Variants in SERPINI1 observed in about 807,000 individuals in gnomAD.
The protein encoded by SERPINI1 is neuroserpin.
A neutral mutation model predicts 41.1 loss-of-function variants in SERPINI1; 19 were observed. The ratio of observed to expected loss-of-function variants is 0.46; its 90% confidence interval spans 0.32 to 0.68. SERPINI1 has a LOEUF of 0.68. Ranked by LOEUF, SERPINI1 falls within the 30% of genes least tolerant of loss-of-function variation. SERPINI1 has a pLI of 0.03. For synonymous variants in SERPINI1, 138 were observed against 156.6 expected (o/e 0.88, Z 0.89); for missense variants, 460 against 479.2 (o/e 0.96, Z 0.37).
chr3:167,738,808 G>A (rs1725571079), intron 1 of SERPINI1, among the ~76,000 whole-genome samples: 1 of 150,366 alleles, frequency 6.7e-6, no homozygotes, highest in African/African-American at 2.4e-5. Flanking sequence ...TCTGATTCCA[G>A]TCAATTGCCA....
intron 1 of SERPINI1, among the ~76,000 whole-genome samples, chr3:167,786,825 G>A (rs1353338229): frequency 2.6e-5 from 4 of 151,984 alleles, no homozygotes; most frequent in Non-Finnish European, 5.9e-5. Flanking sequence ...CACCACATCT[G>A]GCTCCAGTAG....
intron 6 of SERPINI1, among the ~76,000 whole-genome samples, chr3:167,817,488 C>G (rs1199590819): frequency 6.6e-6 from 1 of 152,032 alleles, no homozygotes; most frequent in East Asian, 1.9e-4. Context: ...TCTTTAATTT[C>G]AAGGATGGAG....
intron 5 of SERPINI1, among the ~76,000 whole-genome samples, chr3:167,803,565 G>T (rs543618808): frequency 6.6e-6 from 1 of 152,016 alleles, no homozygotes; most frequent in Non-Finnish European, 1.5e-5. Context: ...TATGAAATAG[G>T]TATTATTATT....
At chr3:167,760,591 G>A (rs932200625) in intron 1 of SERPINI1, among the ~76,000 whole-genome samples, 1 of 149,486 alleles carries the variant, frequency 6.7e-6, no homozygotes, top group African/African-American at 2.5e-5. Context: ...GTGTGTGTGT[G>A]TGTGTGTGTG....
intron 1 of SERPINI1, among the ~76,000 whole-genome samples, chr3:167,737,020 A>G (rs1725480444): frequency 6.6e-6 from 1 of 151,982 alleles, no homozygotes; most frequent in Admixed American, 6.5e-5. Flanking sequence ...TTTTTTTTTA[A>G]TAACCAGGGT....
At chr3:167,783,788 G>A (rs55640411) in intron 1 of SERPINI1, among the ~76,000 whole-genome samples, 9,852 of 152,232 alleles carry the variant, frequency 0.065, 1,058 homozygotes, top group African/African-American at 0.22. Flanking sequence ...GAGTAGACTA[G>A]CAGAGGTAAT....
intron 1 of SERPINI1, among the ~76,000 whole-genome samples, chr3:167,749,843 A>G (rs954084958): frequency 6.6e-6 from 1 of 152,220 alleles, no homozygotes; most frequent in African/African-American, 2.4e-5. Flanking sequence ...GAGAGGGGAA[A>G]AAAGCTAAGA....
chr3:167,789,892 CATG>C (rs1727440902), intron 2 of SERPINI1, among the ~76,000 whole-genome samples: 1 of 152,068 alleles, frequency 6.6e-6, no homozygotes, highest in Non-Finnish European at 1.5e-5. Context: ...ATCACTTTGA[CATG>C]ATGTTTGATT....
At chr3:167,773,560 C>A (rs191858577) in intron 1 of SERPINI1, among the ~76,000 whole-genome samples, 1 of 152,230 alleles carries the variant, frequency 6.6e-6, no homozygotes. Flanking sequence ...TTTGATAGAG[C>A]CTTTTTAAAA....
chr3:167,736,694 AATAAT>A (rs1362920419), intron 1 of SERPINI1, among the ~76,000 whole-genome samples: 1 of 152,176 alleles, frequency 6.6e-6, no homozygotes, highest in African/African-American at 2.4e-5. Flanking sequence ...AGTGTCATAA[AATAAT>A]AGTTTATTCT....
Position 167,807,241 on chromosome 3 carries a change from CA to C in SERPINI1, c.882-2del. ...AATATTTTTCTCCCTATGTGTTCTC[CA>C]GGTTCACAGTGGAACAGGAAATTGA... is the stretch of plus-strand genomic sequence containing the variant. On this transcript the variant is annotated splice_acceptor_variant, in intron 5 of 8. Coordinates refer to ENST00000446050, the MANE Select transcript of SERPINI1 (RefSeq NM_001122752.2). LOFTEE classifies it high-confidence loss of function. The C allele has an allele frequency of 6.2e-7, 1 of 1,601,600 alleles. No individual in the cohort carries two copies. The highest frequency in any genetic ancestry group is 8.6e-7 in the Non-Finnish European group (1 of 1,169,050).
At chr3:167,775,700 T>TGAA (rs10661654) in intron 1 of SERPINI1, among the ~76,000 whole-genome samples, 67,895 of 151,724 alleles carry the variant, frequency 0.45, 16,069 homozygotes, top group African/African-American at 0.61. Flanking sequence ...ACCTAGTAGA[T>TGAA]GAAAAATACC....
At chr3:167,783,572 T>C (rs931021611) in intron 1 of SERPINI1, among the ~76,000 whole-genome samples, 9 of 151,988 alleles carry the variant, frequency 5.9e-5, no homozygotes, top group South Asian at 2.1e-4. Flanking sequence ...GCATGAGAAG[T>C]GTACTACCAA....
chr3:167,811,531 G>T (rs1261969680), intron 6 of SERPINI1, among the ~76,000 whole-genome samples: 1 of 152,042 alleles, frequency 6.6e-6, no homozygotes, highest in African/African-American at 2.4e-5. Context: ...CTTTTAAATG[G>T]CTAGAAAATA....
At chr3:167,788,328 C>T (rs1045851329) in intron 1 of SERPINI1, among the ~76,000 whole-genome samples, 4 of 152,118 alleles carry the variant, frequency 2.6e-5, no homozygotes, top group South Asian at 4.1e-4. Flanking sequence ...GTTCAAGAAC[C>T]TGATGAGCCT....
In SERPINI1 at chr3:167,823,012, G is replaced by A. The variant is rs1268255256; in HGVS notation, c.1006G>A (p.Ala336Thr). Residue 336 changes from alanine (A) to threonine (T), a missense_variant, in exon 7 of 9, where the codon GCA becomes ACA. Physicochemically the swap from Ala to Thr is moderately conservative, Grantham distance 58. Transcript: ENST00000446050. ...SDNKEIFLSK[A>T]IHKSFLEVNE... Reference sequence around the variant, plus strand: ...TAATAAGGAGATTTTTCTTTCCAAAGCAATTCACAAGTCCTTCCTAGAGGT... The same window carrying A: ...TAATAAGGAGATTTTTCTTTCCAAAACAATTCACAAGTCCTTCCTAGAGGT... The A allele has an allele frequency of 1.9e-6, 3 of 1,609,698 alleles. No homozygotes were observed. The highest frequency in any genetic ancestry group is 1.7e-5 in the Admixed American group (1 of 60,000).
intron 1 of SERPINI1, among the ~76,000 whole-genome samples, chr3:167,738,272 C>G (rs1725549899): frequency 1.3e-5 from 2 of 152,128 alleles, no homozygotes; most frequent in Admixed American, 1.3e-4. Flanking sequence ...ATGGAAATTG[C>G]TCTGGGGATG....
chr3:167,746,320 T>C (rs1412128201), intron 1 of SERPINI1, among the ~76,000 whole-genome samples: 1 of 152,172 alleles, frequency 6.6e-6, no homozygotes, highest in Non-Finnish European at 1.5e-5. Flanking sequence ...GAGCTATAAC[T>C]ATAAAACTTA....
intron 5 of SERPINI1, among the ~76,000 whole-genome samples, chr3:167,804,883 T>G (rs544213279): frequency 6.6e-6 from 1 of 152,112 alleles, no homozygotes; most frequent in Non-Finnish European, 1.5e-5. Context: ...GCATGCTTGG[T>G]CCATGTCTTT....
Sources: allele counts gnomAD v4.1 joint callset (sites outside exome capture counted in the v4.1 genomes callset), GRCh38; gene constraint gnomAD v4.1.1; transcripts MANE v1.5; gene names NCBI Gene and HGNC (gene_info 2026-07-23, HGNC 2026-07-21).